Variants in VPS36 observed in about 807,000 individuals in gnomAD.
VPS36 encodes the protein vacuolar protein-sorting-associated protein 36.
A neutral mutation model predicts 63.5 loss-of-function variants in VPS36; 31 were observed. That is an observed-to-expected ratio of 0.49 (90% CI 0.37 to 0.66). The LOEUF (loss-of-function observed/expected upper bound fraction) is 0.66, where lower values mean the gene tolerates loss of function less well. Ranked by LOEUF, VPS36 falls within the 30% of genes least tolerant of loss-of-function variation. The pLI is 0.00. For missense variants in VPS36, 338 were observed against 463.7 expected (o/e 0.73, Z 2.49); for synonymous variants, 138 against 157.2 (o/e 0.88, Z 0.91).
chr13:52,414,313 A>G lies in VPS36; in HGVS notation c.*1517T>C, dbSNP rs1289363792. ...CCCTAAAAGACTTGGGCAGTCAGAC[A>G]CTGAGTTACCCTCAAAATAAACCTG... On this transcript the variant is annotated 3_prime_UTR_variant, in exon 14 of 14. Transcript: ENST00000378060. The G allele has an allele frequency of 6.6e-6, 1 of 152,272 alleles. No homozygotes were observed. The highest frequency in any genetic ancestry group is 1.5e-5 in the Non-Finnish European group (1 of 68,070). 9.4% of individuals were successfully genotyped at this position (152,272 alleles called of 1,614,324 possible).
intron 9 of VPS36, among the ~76,000 whole-genome samples, chr13:52,425,543 T>A (rs1407097551): frequency 6.6e-6 from 1 of 152,174 alleles, no homozygotes; most frequent in African/African-American, 2.4e-5. Flanking sequence ...ACAAGTGCTT[T>A]AATAAACTCT....
chr13:52,423,252 A>C (rs545611163), intron 10 of VPS36, among the ~76,000 whole-genome samples: 1 of 152,216 alleles, frequency 6.6e-6, no homozygotes, highest in Non-Finnish European at 1.5e-5. Flanking sequence ...ATAGTACCCC[A>C]TGAATATGTA....
At chr13:52,426,232 C>A (rs1029034809) in intron 8 of VPS36, among the ~76,000 whole-genome samples, 166 bp from the exon 9 acceptor site, 1 of 152,192 alleles carries the variant, frequency 6.6e-6, no homozygotes, top group East Asian at 1.9e-4. Context: ...GAGTTCCCTG[C>A]ATACATCTAA....
chr13:52,440,018 G>A (rs1379700244), intron 2 of VPS36, among the ~76,000 whole-genome samples: 1 of 146,458 alleles, frequency 6.8e-6, no homozygotes, highest in African/African-American at 2.5e-5. Context: ...TCGCTCTGTT[G>A]CCCAAGCTGG....
At chr13:52,419,804 C>T (rs1958027875) in intron 10 of VPS36, among the ~76,000 whole-genome samples, 1 of 152,148 alleles carries the variant, frequency 6.6e-6, no homozygotes, top group Admixed American at 6.5e-5. Context: ...ACAAATATCA[C>T]ATGTTCTCAC....
At chr13:52,447,614 T>C (rs59325919) in intron 1 of VPS36, among the ~76,000 whole-genome samples, 5 of 152,304 alleles carry the variant, frequency 3.3e-5, no homozygotes, top group East Asian at 1.9e-4. Context: ...GAGCAGTCCA[T>C]TGGATCTGGT....
chr13:52,429,359 G>C (rs1225331881), intron 6 of VPS36: 3 of 915,400 alleles, frequency 3.3e-6, no homozygotes, highest in African/African-American at 1.8e-5. Flanking sequence ...TATCCATGCT[G>C]GTCATCTGCT....
At chr13:52,436,268 T>TTTTATTCATGTAG (rs1958216082) in intron 4 of VPS36, 22 bp downstream of exon 4, 1 of 1,515,086 alleles carries the variant, frequency 6.6e-7, no homozygotes, top group Non-Finnish European at 9.1e-7. Context: ...TCTAGTACGA[T>TTTTATTCATGTAG]TTTATTCATG....
At chr13:52,439,224 G>C in intron 2 of VPS36, 56 bp from the exon 3 acceptor site, 1 of 1,499,084 alleles carries the variant, frequency 6.7e-7, no homozygotes. Flanking sequence ...CATAACACTT[G>C]TCAGAAATCC....
chr13:52,450,517 G>A lies in VPS36; in HGVS notation c.78C>T (p.Ile26=), dbSNP rs758253942. The change falls in exon 1 of 14, where the codon ATC becomes ATT. Residue 26 remains isoleucine, a synonymous_variant. Transcript: ENST00000378060. Reference sequence around the variant, plus strand: ...GCCCTACCTTCTCCTCGCCATCGTAGATTCGCACCCCGCGCTGCTGGATCA... The same window carrying A: ...GCCCTACCTTCTCCTCGCCATCGTAAATTCGCACCCCGCGCTGCTGGATCA... The part of the protein sequence containing the change: ...TLVIQQRGVR[I]YDGEEKIKFD... 3.8e-6 allele frequency: 6 copies of A among 1,594,548 alleles called. No homozygotes were observed. In the South Asian group the frequency reaches 5.6e-5, roughly 15 times the overall value.
intron 6 of VPS36, among the ~76,000 whole-genome samples, chr13:52,433,352 A>G (rs750621997): frequency 6.6e-6 from 1 of 152,230 alleles, no homozygotes; most frequent in South Asian, 2.1e-4. Context: ...CAAAATAATT[A>G]TACAGAGAAC....
intron 3 of VPS36, among the ~76,000 whole-genome samples, chr13:52,438,803 T>C (rs1240379334): frequency 6.6e-6 from 1 of 152,248 alleles, no homozygotes; most frequent in Non-Finnish European, 1.5e-5. Flanking sequence ...ATGATCAGGC[T>C]AGAAACAGGA....
intron 5 of VPS36, 121 bp downstream of exon 5, chr13:52,434,672 T>C (rs1288155678): frequency 5.1e-6 from 5 of 980,744 alleles, no homozygotes; most frequent in African/African-American, 1.6e-5. Context: ...ATAAATTCTT[T>C]ATAAGAATAC....
At chr13:52,430,054 C>G (rs1958139740) in intron 6 of VPS36, among the ~76,000 whole-genome samples, 1 of 151,918 alleles carries the variant, frequency 6.6e-6, no homozygotes, top group Non-Finnish European at 1.5e-5. Context: ...GAAGATGATA[C>G]AAGCTATGAA....
intron 10 of VPS36, among the ~76,000 whole-genome samples, chr13:52,423,327 G>GA (rs1272286769): frequency 1.3e-5 from 2 of 151,972 alleles, no homozygotes; most frequent in Non-Finnish European, 2.9e-5. Flanking sequence ...TAAAAATAAA[G>GA]AAAAGAGGAA....
chr13:52,445,939 CAAAAAAAAAAAAAAAA>C (rs34529458), intron 1 of VPS36, among the ~76,000 whole-genome samples: 2 of 15,364 alleles, frequency 1.3e-4, no homozygotes, highest in Non-Finnish European at 2.1e-4. Flanking sequence ...GACTCTATCT[CAAAAAAAAAAAAAAAA>C]AAAAAAAAAA....
intron 1 of VPS36, among the ~76,000 whole-genome samples, chr13:52,443,603 T>C (rs1958303829): frequency 6.6e-6 from 1 of 152,166 alleles, no homozygotes; most frequent in Non-Finnish European, 1.5e-5. Context: ...CTATGAGAAA[T>C]AAATGCCTGT....
intron 10 of VPS36, among the ~76,000 whole-genome samples, chr13:52,420,806 C>T (rs149125610): frequency 1.3e-5 from 2 of 152,008 alleles, no homozygotes; most frequent in Non-Finnish European, 2.9e-5. Flanking sequence ...TATTATGTAT[C>T]CATAAAAAAG....
At position 52,412,945 on chromosome 13, in the gene VPS36, C is replaced by G. The variant is rs543587310; in HGVS notation, c.*2885G>C. The G allele has an allele frequency of 4.6e-4, 70 of 152,720 alleles. No homozygotes were observed. The highest frequency in any genetic ancestry group is 3.4e-3 in the Middle Eastern group (1 of 294). The allele number at this position is 152,720 out of a possible 1,614,324, so 9.5% of individuals were successfully genotyped here. A position where few individuals can be genotyped will look rare whatever the true frequency, so the allele number is the denominator to read the frequency against. ...TTGATATGCAGTTTGTATTTTTGTA[C>G]TTAATATAAGCATAATATATTCATA... is the stretch of plus-strand genomic sequence containing the variant. On this transcript the variant is annotated 3_prime_UTR_variant, in exon 14 of 14. Coordinates refer to ENST00000378060, the MANE Select transcript of VPS36 (RefSeq NM_016075.4).
Sources: allele counts gnomAD v4.1 joint callset (sites outside exome capture counted in the v4.1 genomes callset), GRCh38; gene constraint gnomAD v4.1.1; transcripts MANE v1.5; gene names NCBI Gene and HGNC (gene_info 2026-07-23, HGNC 2026-07-21).